MC5R: variants seen among roughly 807,000 people sequenced by gnomAD.
MC5R encodes the protein melanocortin receptor 5.
For missense variants in MC5R, 420 were observed against 431.4 expected (o/e 0.97, Z 0.23); for synonymous variants, 167 against 164.4 (o/e 1.02, Z -0.12).
At position 13,825,868 on chromosome 18, in the gene MC5R, G is replaced by C. The variant is rs2044925437; in HGVS notation, c.103G>C (p.Asp35His). The change falls in exon 2 of 2, where the codon GAC becomes CAC. Residue 35 changes from aspartate (D) to histidine (H), a missense_variant. Physicochemically the swap from Asp to His is moderately conservative, Grantham distance 81 (BLOSUM62 -1). Coordinates refer to ENST00000589410, the MANE Select transcript of MC5R (RefSeq NM_005913.3). ...NVKNKSSPCEDMGIAVEVFLT... is the reference protein window; with the variant it reads ...NVKNKSSPCEHMGIAVEVFLT... ...CAAAAACAAGTCTTCACCATGTGAA[G>C]ACATGGGCATTGCTGTGGAGGTGTT... 8 of 1,614,152 alleles carry C rather than the reference G, an allele frequency of 5.0e-6. No individual in the cohort carries two copies. Among genetic ancestry groups the C allele is most frequent in the Non-Finnish European group, 6.8e-6 (8 of 1,180,016 alleles).
intron 1 of MC5R, among the ~76,000 whole-genome samples, chr18:13,825,186 A>G (rs1300546315): frequency 1.3e-5 from 2 of 152,160 alleles, no homozygotes; most frequent in African/African-American, 2.4e-5. Flanking sequence ...AGCCTTAGGA[A>G]TGTGAACATT....
chr18:13,824,612 A>G (rs2044917207), intron 1 of MC5R, among the ~76,000 whole-genome samples: 1 of 152,100 alleles, frequency 6.6e-6, no homozygotes, highest in South Asian at 2.1e-4. Flanking sequence ...CCTATAGTGT[A>G]CATTGTACCT....
rs1288475762 is a variant in MC5R, at chr18:13,826,910, C to G, written c.*167C>G. 3.0e-6 allele frequency: 2 copies of G among 669,346 alleles called. No homozygotes were observed. Among genetic ancestry groups the G allele is most frequent in the Non-Finnish European group, 4.9e-6 (2 of 406,590 alleles). The allele number at this position is 669,346 out of a possible 1,614,324, so 41.5% of individuals were successfully genotyped here. On this transcript the variant is annotated 3_prime_UTR_variant, in exon 2 of 2. Coordinates refer to ENST00000589410, the MANE Select transcript of MC5R (RefSeq NM_005913.3). The stretch of plus-strand genomic sequence containing the variant: ...TTCAGTTCCTGGTGATTATGTCCAA[C>G]ATGCAAGGGTTGCTTATCCACTCTG...
At position 13,826,057 on chromosome 18, in the gene MC5R, C is replaced by T. The variant is rs1215918293; in HGVS notation, c.292C>T (p.Leu98=). Reference sequence around the variant, plus strand: ...TGCCTGGGAGACCATCACCATCTACCTACTCAACAACAAGCACCTAGTGAT... The same window carrying T: ...TGCCTGGGAGACCATCACCATCTACTTACTCAACAACAAGCACCTAGTGAT... The part of the protein sequence containing the change: ...SSAWETITIY[L]LNNKHLVIAD... The change falls in exon 2 of 2, where the codon CTA becomes TTA. Residue 98 remains leucine (L), a synonymous_variant. Coordinates refer to ENST00000589410, the MANE Select transcript of MC5R (RefSeq NM_005913.3). 1.9e-6 allele frequency: 3 copies of T among 1,614,150 alleles called. No individual in the cohort carries two copies. The highest frequency in any genetic ancestry group is 2.5e-6 in the Non-Finnish European group (3 of 1,180,020).
intron 1 of MC5R, among the ~76,000 whole-genome samples, chr18:13,825,235 A>G (rs1362480786): frequency 6.6e-6 from 1 of 152,134 alleles, no homozygotes; most frequent in Non-Finnish European, 1.5e-5. Context: ...TGAGTTGGGG[A>G]CACTTATGAT....
intron 1 of MC5R, among the ~76,000 whole-genome samples, chr18:13,824,761 AAG>A (rs1392269972): frequency 6.6e-6 from 1 of 152,116 alleles, no homozygotes; most frequent in Non-Finnish European, 1.5e-5. Context: ...AATGAATCAT[AAG>A]AGAGAAATTT....
chr18:13,826,468 C>T lies in MC5R; in HGVS notation c.703C>T (p.Gln235Ter), dbSNP rs528772188. Residue 235 changes from glutamine (Q) to a stop codon, truncating the protein, a stop_gained, in exon 2 of 2, where the codon CAG (glutamine) becomes TAG (stop). Transcript: ENST00000589410. LOFTEE classifies it low-confidence loss of function (END_TRUNC). ...CTCTGCGCGGCAGAGGACCAGCATGCAGGGCGCGGTCACCGTCACCATGCT... is the reference window on the plus strand; with the variant it reads ...CTCTGCGCGGCAGAGGACCAGCATGTAGGGCGCGGTCACCGTCACCATGCT... ...ASSARQRTSM[Q>*]GAVTVTMLLG... 2 of 1,613,658 alleles carry T rather than the reference C, an allele frequency of 1.2e-6. No homozygotes were observed. Among genetic ancestry groups the T allele is most frequent in the South Asian group, 2.2e-5 (2 of 91,066 alleles).
intron 1 of MC5R, 86 bp from the exon 2 acceptor site, chr18:13,825,641 G>A (rs2149124041): frequency 1.3e-6 from 1 of 754,074 alleles, no homozygotes; most frequent in African/African-American, 1.8e-5. Context: ...CCCTTTCTTA[G>A]GCTGTGTTGG....
chr18:13,825,564 TA>T (rs11454837), intron 1 of MC5R, 162 bp from the exon 2 acceptor site: 106,214 of 333,092 alleles, frequency 0.32, 8,576 homozygotes, highest in Non-Finnish European at 0.37. Context: ...CCCTGTCTCT[TA>T]AAAAAAAAAA....
intron 1 of MC5R, chr18:13,825,508 C>T (rs45493396): frequency 0.05 from 17,566 of 351,162 alleles, 718 homozygotes; most frequent in East Asian, 0.14. Flanking sequence ...GAGAGAAGAT[C>T]GCTTGTGGCC....
chr18:13,825,738 C>A lies in MC5R; in HGVS notation c.-28C>A. 1 of 1,532,142 alleles carries A rather than the reference C, an allele frequency of 6.5e-7. No individual in the cohort carries two copies. 94.9% of individuals were successfully genotyped at this position (1,532,142 alleles called of 1,614,324 possible). On this transcript the variant is annotated 5_prime_UTR_variant, in exon 2 of 2. Transcript: ENST00000589410. ...AACATGTTTTACAGTAAATTTGCTG[C>A]CAAGACAAGAGGTGTATTTCTCCAG...
Position 13,826,473 on chromosome 18 carries a change from C to T in MC5R, c.708C>T (p.Gly236=), listed in dbSNP as rs752357147. 1.4e-5 allele frequency: 22 copies of T among 1,613,514 alleles called. No homozygotes were observed. Among genetic ancestry groups the T allele is most frequent in the Non-Finnish European group, 1.6e-5 (19 of 1,179,654 alleles). The change falls in exon 2 of 2, where the codon GGC becomes GGT. Residue 236 remains glycine (G), a synonymous_variant. Transcript: ENST00000589410. ...CGCGGCAGAGGACCAGCATGCAGGG[C>T]GCGGTCACCGTCACCATGCTGCTGG... is the stretch of plus-strand genomic sequence containing the variant. ...SSARQRTSMQ[G]AVTVTMLLGV... is the part of the protein sequence containing the mutation.
In MC5R at chr18:13,826,224, C is replaced by T; in HGVS notation, c.459C>T (p.Ile153=). The T allele has an allele frequency of 6.2e-7, 1 of 1,614,160 alleles. No individual in the cohort carries two copies. The highest frequency in any genetic ancestry group is 8.5e-7 in the Non-Finnish European group (1 of 1,180,042). The change falls in exon 2 of 2, where the codon ATC becomes ATT. Residue 153 remains isoleucine (I), a synonymous_variant. Transcript: ENST00000589410. ...TIFYALRYHH[I]MTARRSGAII... is the part of the protein sequence containing the mutation. Reference sequence around the variant, plus strand: ...TCTACGCCCTGCGCTACCACCACATCATGACGGCGAGGCGCTCAGGGGCCA... The same window carrying T: ...TCTACGCCCTGCGCTACCACCACATTATGACGGCGAGGCGCTCAGGGGCCA...
Position 13,826,969 on chromosome 18 carries a change from G to GC in MC5R, c.*226_*227insC. On this transcript the variant is annotated 3_prime_UTR_variant, in exon 2 of 2. Coordinates refer to ENST00000589410, the MANE Select transcript of MC5R (RefSeq NM_005913.3). Reference sequence around the variant, plus strand: ...CATGACAATTTCTTACTGTCCTTTTGTGTCCTATGGTTTCTACTGCTCCCA... The same window carrying GC: ...CATGACAATTTCTTACTGTCCTTTTGCTGTCCTATGGTTTCTACTGCTCCCA... The GC allele has an allele frequency of 1.9e-6, 1 of 519,916 alleles. No individual in the cohort carries two copies. The highest frequency in any genetic ancestry group is 3.4e-6 in the Non-Finnish European group (1 of 298,188). The allele number at this position is 519,916 out of a possible 1,614,324, so 32.2% of individuals were successfully genotyped here. A position where few individuals can be genotyped will look rare whatever the true frequency, so the allele number is the denominator to read the frequency against.
In MC5R at chr18:13,826,417, C is replaced by A. The variant is rs368486946; in HGVS notation, c.652C>A (p.Arg218=). The A allele has an allele frequency of 6.8e-6, 11 of 1,613,822 alleles. No homozygotes were observed. Among genetic ancestry groups the A allele is most frequent in the African/African-American group, 2.7e-5 (2 of 74,924 alleles). The change falls in exon 2 of 2, where the codon CGG becomes AGG. Residue 218 remains arginine, a synonymous_variant. Coordinates refer to ENST00000589410, the MANE Select transcript of MC5R (RefSeq NM_005913.3). ...CCTCCTGGCGCGGACTCACGTCAAG[C>A]GGATCGCGGCTCTGCCCGGGGCCAG... is the stretch of plus-strand genomic sequence containing the variant. ...MFLLARTHVK[R]IAALPGASSA... is the part of the protein sequence containing the mutation.
chr18:13,826,520 C>A lies in MC5R; in HGVS notation c.755C>A (p.Ala252Asp). ...MLLGVFTVCWAPFFLHLTLML... is the reference protein window; with the variant it reads ...MLLGVFTVCWDPFFLHLTLML... ...CTGGGCGTGTTTACCGTGTGCTGGGCCCCGTTCTTCCTTCATCTCACTTTA... is the reference window on the plus strand; with the variant it reads ...CTGGGCGTGTTTACCGTGTGCTGGGACCCGTTCTTCCTTCATCTCACTTTA... Residue 252 changes from alanine (A) to aspartate (D), a missense_variant, in exon 2 of 2, where the codon GCC (alanine) becomes GAC (aspartate). Ala to Asp is a moderately radical substitution (Grantham distance 126, BLOSUM62 -2). Coordinates refer to ENST00000589410, the MANE Select transcript of MC5R (RefSeq NM_005913.3). The A allele has an allele frequency of 6.2e-7, 1 of 1,613,788 alleles. No homozygotes were observed. The highest frequency in any genetic ancestry group is 8.5e-7 in the Non-Finnish European group (1 of 1,179,746).
intron 1 of MC5R, 131 bp downstream of exon 1, chr18:13,824,405 T>A (rs1339531874): frequency 6.6e-6 from 1 of 152,264 alleles, no homozygotes; most frequent in East Asian, 1.9e-4. Context: ...CTCGATATGA[T>A]GTTTAGTATA....
At chr18:13,825,587 T>A in intron 1 of MC5R, 140 bp from the exon 2 acceptor site, 1 of 454,908 alleles carries the variant, frequency 2.2e-6, no homozygotes, top group African/African-American at 2.2e-5. Flanking sequence ...AAAAAAGGAC[T>A]GAGTGAGCCG....
At position 13,824,157 on chromosome 18, in the gene MC5R, A is replaced by C. The variant is rs985812599; in HGVS notation, c.-157A>C. 6.6e-6 allele frequency: 1 copy of C among 152,136 alleles called. No homozygotes were observed. 9.4% of individuals were successfully genotyped at this position (152,136 alleles called of 1,614,324 possible). On this transcript the variant is annotated 5_prime_UTR_variant, in exon 1 of 2. Coordinates refer to ENST00000589410, the MANE Select transcript of MC5R (RefSeq NM_005913.3). The stretch of plus-strand genomic sequence containing the variant: ...GAGGCTTAAAGCCCCGCAGAGCCGC[A>C]GCCGCCTAGCTGGGGGAGAGGCCCG...
Sources: gnomAD v4.1 joint callset for allele counts (sites outside exome capture counted in the v4.1 genomes callset) on GRCh38, gnomAD v4.1.1 for gene constraint, MANE v1.5 for transcripts, NCBI Gene and HGNC (gene_info 2026-07-23, HGNC 2026-07-21) for gene names.